The following PAH variants were observed in gnomAD, a reference collection of about 807,000 sequenced individuals.
PAH encodes phenylalanine-4-hydroxylase.
PAH carries 64 observed loss-of-function variants against 62.0 expected under a neutral mutation model. That is an observed-to-expected ratio of 1.03 (90% CI 0.84 to 1.27). The LOEUF (loss-of-function observed/expected upper bound fraction) is 1.27. Ranked by LOEUF, PAH falls within the 50% of genes most tolerant of loss-of-function variation. The pLI, the probability that PAH is intolerant of heterozygous loss-of-function variation, is 0.00. For synonymous variants in PAH, 195 were observed against 196.2 expected (o/e 0.99, Z 0.05); for missense variants, 579 against 542.8 (o/e 1.07, Z -0.66).
intron 3 of PAH, among the ~76,000 whole-genome samples, chr12:102,882,139 T>C (rs1876836399): frequency 6.6e-6 from 1 of 152,200 alleles, no homozygotes; most frequent in Non-Finnish European, 1.5e-5. Context: ...GTCCTTTTGA[T>C]GTTAAAGACA....
At chr12:102,847,217 C>T (rs1874891008) in intron 8 of PAH, 1 of 501,272 alleles carries the variant, frequency 2.0e-6, no homozygotes, top group South Asian at 2.1e-5. Flanking sequence ...AAGTGACTTG[C>T]TCATGATCAC....
At chr12:102,938,391 C>T (rs1879176465) in intron 1 of PAH, among the ~76,000 whole-genome samples, 2 of 152,160 alleles carry the variant, frequency 1.3e-5, no homozygotes, top group Non-Finnish European at 2.9e-5. Flanking sequence ...CACATGGATC[C>T]CCAAGGGTCT....
intron 1 of PAH, among the ~76,000 whole-genome samples, chr12:102,948,519 C>T (rs1368044114): frequency 6.6e-6 from 1 of 152,100 alleles, no homozygotes; most frequent in Non-Finnish European, 1.5e-5. Context: ...CTTTTCTTCC[C>T]GCTGCAAGTT....
chr12:102,922,148 T>C (rs1370250949), upstream of PAH, among the ~76,000 whole-genome samples: 1 of 152,032 alleles, frequency 6.6e-6, no homozygotes, highest in African/African-American at 2.4e-5. Context: ...CCTTCCCTCC[T>C]TTTCTTACAC....
At chr12:102,874,001 A>C (rs1466349097) in intron 4 of PAH, among the ~76,000 whole-genome samples, 2 of 152,216 alleles carry the variant, frequency 1.3e-5, no homozygotes, top group African/African-American at 4.8e-5. Flanking sequence ...TGAGGTTATA[A>C]GTCATGAAGA....
At chr12:102,856,577 AC>A (rs1018524331) in intron 5 of PAH, among the ~76,000 whole-genome samples, 7 of 152,004 alleles carry the variant, frequency 4.6e-5, no homozygotes, top group Admixed American at 3.3e-4. Context: ...ACTGGGAGGC[AC>A]CCCCCAGCAG....
chr12:102,879,986 C>A (rs1039360571), intron 3 of PAH, among the ~76,000 whole-genome samples: 2 of 152,222 alleles, frequency 1.3e-5, no homozygotes, highest in African/African-American at 4.8e-5. Context: ...AAACATTTCA[C>A]ATATGCTACC....
At position 102,928,927 on chromosome 12, in the gene PAH, G is replaced by A. The variant is rs528579177; in HGVS notation, c.-95-11702C>T. The stretch of plus-strand genomic sequence containing the variant: ...CCTTCCTGAGTTTATGTTTCTTTTA[G>A]CAAATGGAGATTTATATGGTTTGGC... On this transcript the variant is annotated intron_variant, in intron 1 of 3. Coordinates refer to the PAH transcript ENST00000546844. Among the ~76,000 whole-genome samples the A allele has an allele frequency of 3.9e-5, 6 of 152,260 alleles. No homozygotes were observed. The South Asian group carries it at 1.2e-3, about 32-fold the overall frequency.
Position 102,957,483 on chromosome 12 carries a change from G to C in PAH, c.-96+712C>G, listed in dbSNP as rs1041839502. On this transcript the variant is annotated intron_variant, in intron 1 of 4. Coordinates refer to the PAH transcript ENST00000551337. The surrounding 1 kb of genome is among the most constrained non-coding windows in gnomAD (Gnocchi z 4.1). ...AGAGTTTGCAAGGAGCGGGAGAAAG[G>C]AACGGGAGGGGGGGAGAGGAGAGGA... 3.1e-4 allele frequency among the ~76,000 whole-genome samples: 40 copies of C among 127,962 alleles called. No homozygotes were observed. Among genetic ancestry groups the C allele is most frequent in the Non-Finnish European group, 5.2e-4 (31 of 60,186 alleles). The allele number at this position is 127,962 out of a possible 152,430, so 83.9% of individuals were successfully genotyped here.
intron 1 of PAH, among the ~76,000 whole-genome samples, chr12:102,929,719 G>T (rs1183453349): frequency 6.6e-6 from 1 of 152,162 alleles, no homozygotes; most frequent in Non-Finnish European, 1.5e-5. Context: ...TGATGCCTTG[G>T]ACTAAAGTGG....
intron 3 of PAH, among the ~76,000 whole-genome samples, chr12:102,881,626 C>T (rs1876817002): frequency 6.6e-6 from 1 of 152,064 alleles, no homozygotes; most frequent in Non-Finnish European, 1.5e-5. Context: ...CTCTCATCAC[C>T]CTACCCCCTG....
At chr12:102,896,152 G>A (rs2136704084) in intron 2 of PAH, among the ~76,000 whole-genome samples, 1 of 152,276 alleles carries the variant, frequency 6.6e-6, no homozygotes, top group Admixed American at 6.5e-5. Context: ...GAGACAGGGT[G>A]AGGGCAGATT....
chr12:102,894,783 T>C lies in PAH; in HGVS notation c.304A>G (p.Ile102Val). 1 of 1,614,152 alleles carries C rather than the reference T, an allele frequency of 6.2e-7. No homozygotes were observed. The highest frequency in any genetic ancestry group is 8.5e-7 in the Non-Finnish European group (1 of 1,180,002). ...TNIIKILRHD[I>V]GATVHELSRD... is the part of the protein sequence containing the mutation. ...GAAAGCTCATGGACAGTGGCACCAA[T>C]GTCATGCCTCAAGATCTTGATGATG... The change falls in exon 3 of 13, where the codon ATT becomes GTT. Residue 102 changes from isoleucine to valine, a missense_variant. Transcript: ENST00000553106.
intron 4 of PAH, among the ~76,000 whole-genome samples, chr12:102,868,126 GTATATATA>G (rs1182277046): frequency 1.6e-4 from 1 of 6,430 alleles, no homozygotes; most frequent in Non-Finnish European, 4.8e-4. Flanking sequence ...ACATATATGT[GTATATATA>G]TATATATATA....
intron 8 of PAH, among the ~76,000 whole-genome samples, chr12:102,849,453 T>C (rs1875051195): frequency 6.6e-6 from 1 of 152,100 alleles, no homozygotes; most frequent in African/African-American, 2.4e-5. Flanking sequence ...GTGTCCGTCA[T>C]CAGAGTAGAG....
In PAH at chr12:102,917,137, T is replaced by C; in HGVS notation, c.-7A>G. ...CCAGGACCGCAGTGGACATGCTGGC[T>C]CCCCGGGAGTGAGGTCTCTGGCTTT... is the stretch of plus-strand genomic sequence containing the variant. On this transcript the variant is annotated 5_prime_UTR_variant, in exon 1 of 13. Coordinates refer to ENST00000553106, the MANE Select transcript of PAH (RefSeq NM_000277.3). 1 of 1,614,050 alleles carries C rather than the reference T, an allele frequency of 6.2e-7. No homozygotes were observed. The highest frequency in any genetic ancestry group is 8.5e-7 in the Non-Finnish European group (1 of 1,179,978).
intron 2 of PAH, among the ~76,000 whole-genome samples, chr12:102,910,283 T>A (rs1371143292): frequency 6.6e-6 from 1 of 152,006 alleles, no homozygotes. Flanking sequence ...AGGTCTGAGG[T>A]CAGGGCCAGC....
At position 102,894,865 on chromosome 12, in the gene PAH, T is replaced by C. The variant is rs374797155; in HGVS notation, c.222A>G (p.Lys74=). ...HIESRPSRLK[K]DEYEFFTHLD... is the part of the protein sequence containing the mutation. The stretch of plus-strand genomic sequence containing the variant: ...AATGGGTGAAAAATTCATACTCATC[T>C]TTCTTTAAACGAGAAGGTCTAGATT... Residue 74 remains lysine (K), a synonymous_variant, in exon 3 of 13, where the codon AAA becomes AAG. Coordinates refer to ENST00000553106, the MANE Select transcript of PAH (RefSeq NM_000277.3). 33 of 1,614,014 alleles carry C rather than the reference T, an allele frequency of 2.0e-5. No individual in the cohort carries two copies. The African/African-American group carries it at 3.3e-4, about 16-fold the overall frequency.
chr12:102,890,330 G>A (rs985136410), intron 3 of PAH, among the ~76,000 whole-genome samples: 4 of 152,190 alleles, frequency 2.6e-5, no homozygotes, highest in African/African-American at 9.7e-5. Flanking sequence ...CTACTACAAT[G>A]CTTTTCTTCC....
Sources: allele counts gnomAD v4.1 joint callset (sites outside exome capture counted in the v4.1 genomes callset), GRCh38; gene constraint gnomAD v4.1.1; non-coding constraint Gnocchi (gnomAD v3.1); transcripts MANE v1.5; gene names NCBI Gene and HGNC (gene_info 2026-07-23, HGNC 2026-07-21).